DLGAP1: variants seen among roughly 807,000 people sequenced by gnomAD.
DLGAP1 encodes DLG associated protein 1.
Under a neutral mutation model 90.8 loss-of-function variants are expected in DLGAP1, and 11 were observed. The observed-to-expected ratio is 0.12, with a 90% CI of 0.08 to 0.20. The LOEUF is 0.20. DLGAP1 is among the 10% of genes least tolerant of loss of function. DLGAP1 has a pLI of 1.00. For missense variants in DLGAP1, 1,050 were observed against 1,333.8 expected (o/e 0.79, Z 3.31); for synonymous variants, 558 against 540.7 (o/e 1.03, Z -0.44).
At position 3,499,307 on chromosome 18, in the gene DLGAP1, G is replaced by A. The variant is rs779326875; in HGVS notation, c.2812C>T (p.Arg938Cys). ...ATCAGGCGCTTGCGGGCCTCCTGGC[G>A]CTGCGAGCTCTCCAGCGAGCGCTCC... is the stretch of plus-strand genomic sequence containing the variant. ...IRERSLESSQ[R>C]QEARKRLMAA... Residue 938 changes from arginine (R) to cysteine (C), a missense_variant, in exon 13 of 13, where the codon CGC becomes TGC. Around this residue, in one of 2 missense-constraint regions of DLGAP1, gnomAD observed 565 missense variants for 879.7 expected, o/e 0.64. Transcript: ENST00000315677. The surrounding 1 kb of genome is among the most constrained non-coding windows in gnomAD (Gnocchi z 6.4). The A allele has an allele frequency of 3.8e-6, 6 of 1,579,534 alleles. No individual in the cohort carries two copies. Among genetic ancestry groups the A allele is most frequent in the African/African-American group, 1.4e-5 (1 of 73,760 alleles).
intron 1 of DLGAP1, among the ~76,000 whole-genome samples, chr18:4,368,153 C>A (rs923673950): frequency 1.3e-5 from 2 of 152,056 alleles, no homozygotes; most frequent in Admixed American, 6.5e-5. Context: ...TCAGAGGCAG[C>A]GTCTTGGCTA....
chr18:3,499,491 C>G lies in DLGAP1; in HGVS notation c.2725-97G>C. 7.6e-7 allele frequency: 1 copy of G among 1,309,662 alleles called. No homozygotes were observed. The highest frequency in any genetic ancestry group is 1.4e-5 in the South Asian group (1 of 72,216). The allele number at this position is 1,309,662 out of a possible 1,614,324, so 81.1% of individuals were successfully genotyped here. A position where few individuals can be genotyped will look rare whatever the true frequency, so the allele number is the denominator to read the frequency against. On this transcript the variant is annotated intron_variant, in intron 12 of 12. Coordinates refer to ENST00000315677, the MANE Select transcript of DLGAP1 (RefSeq NM_004746.4). This position sits in a 1 kb window ranked among gnomAD's most constrained non-coding sequence, Gnocchi z 6.4. ...AGTAGTTAGAACACACAGTTTTTTA[C>G]CTAGGGGTGGTTAGTTCTGATCTGC...
chr18:3,677,963 T>G (rs1358110156), intron 7 of DLGAP1, among the ~76,000 whole-genome samples: 57 of 104,668 alleles, frequency 5.4e-4, no homozygotes, highest in African/African-American at 3.6e-3. Context: ...CCGGTGGGTT[T>G]TTTTTTTTTT....
intron 1 of DLGAP1, among the ~76,000 whole-genome samples, chr18:4,319,635 T>A (rs2080627733): frequency 6.6e-6 from 1 of 152,164 alleles, no homozygotes; most frequent in East Asian, 1.9e-4. Context: ...GAGAAGTCGG[T>A]TGTTGAAAAG....
At chr18:4,223,862 GA>G (rs762508329) in intron 1 of DLGAP1, among the ~76,000 whole-genome samples, 3 of 152,202 alleles carry the variant, frequency 2.0e-5, no homozygotes, top group Non-Finnish European at 2.9e-5. Context: ...ATTGCCATAG[GA>G]AGGTGAATGT....
At chr18:4,208,846 C>T (rs377165837) in intron 1 of DLGAP1, among the ~76,000 whole-genome samples, 2 of 151,926 alleles carry the variant, frequency 1.3e-5, no homozygotes, top group East Asian at 3.9e-4. Context: ...GCTGTGGGAA[C>T]AAGCCAACTA....
At chr18:4,237,028 G>A (rs940802503) in intron 1 of DLGAP1, among the ~76,000 whole-genome samples, 4 of 152,146 alleles carry the variant, frequency 2.6e-5, no homozygotes, top group Non-Finnish European at 5.9e-5. Context: ...AACATTAGGG[G>A]TTTAGTCAAG....
intron 7 of DLGAP1, among the ~76,000 whole-genome samples, chr18:3,670,433 T>C (rs7228047): frequency 0.13 from 20,105 of 152,218 alleles, 1,600 homozygotes; most frequent in Non-Finnish European, 0.18. Context: ...TACAAGCAAA[T>C]CTGGCAACTG....
chr18:3,522,017 G>C (rs1481845513), intron 10 of DLGAP1, among the ~76,000 whole-genome samples: 1 of 151,654 alleles, frequency 6.6e-6, no homozygotes, highest in African/African-American at 2.4e-5. Context: ...GTAGTGACTA[G>C]CCTGGAAAAG....
In DLGAP1 at chr18:4,378,319, C is replaced by G. The variant is rs975191395; in HGVS notation, c.-267+76687G>C. Among the ~76,000 whole-genome samples the G allele has an allele frequency of 6.6e-6, 1 of 151,806 alleles. No homozygotes were observed. The highest frequency in any genetic ancestry group is 1.5e-5 in the Non-Finnish European group (1 of 67,930). ...TGTTACTTACATTGAACATGTAACT[C>G]TATCACTTTTCAATTAAAAATTTAG... On this transcript the variant is annotated intron_variant, in intron 1 of 12. Coordinates refer to ENST00000315677, the MANE Select transcript of DLGAP1 (RefSeq NM_004746.4). This position sits in a 1 kb window ranked among gnomAD's most constrained non-coding sequence, Gnocchi z 4.5.
At chr18:3,782,833 G>T (rs113395974) in intron 5 of DLGAP1, among the ~76,000 whole-genome samples, 66 of 152,188 alleles carry the variant, frequency 4.3e-4, no homozygotes, top group African/African-American at 1.6e-3. Context: ...AAATTTTTGT[G>T]AGTCAAAGGA....
intron 1 of DLGAP1, among the ~76,000 whole-genome samples, chr18:4,317,691 C>T (rs2080567861): frequency 6.6e-6 from 1 of 152,156 alleles, no homozygotes; most frequent in African/African-American, 2.4e-5. Flanking sequence ...TCTCGAATCT[C>T]AAGTGCAGAT....
At chr18:3,740,597 A>G (rs981798987) in intron 6 of DLGAP1, among the ~76,000 whole-genome samples, 2 of 152,046 alleles carry the variant, frequency 1.3e-5, no homozygotes, top group Non-Finnish European at 2.9e-5. Flanking sequence ...CAGTGTCCCT[A>G]TTTCAGGGTC....
chr18:4,120,748 G>A (rs8093552), intron 2 of DLGAP1, among the ~76,000 whole-genome samples: 2 of 148,466 alleles, frequency 1.3e-5, no homozygotes, highest in East Asian at 2.0e-4. Flanking sequence ...CCCTCCCTCC[G>A]TCCTGCCATC....
chr18:4,125,767 G>T (rs894962251), intron 2 of DLGAP1, among the ~76,000 whole-genome samples: 4 of 152,232 alleles, frequency 2.6e-5, no homozygotes, highest in African/African-American at 9.6e-5. Context: ...ACAAAGCAGT[G>T]AAACTAGATA....
At chr18:3,700,185 C>T (rs2061234472) in intron 7 of DLGAP1, among the ~76,000 whole-genome samples, 1 of 152,186 alleles carries the variant, frequency 6.6e-6, no homozygotes, top group South Asian at 2.1e-4. Flanking sequence ...AAAACTCCCG[C>T]AGCTAGCTAG....
intron 10 of DLGAP1, among the ~76,000 whole-genome samples, chr18:3,523,506 A>G (rs1019071999): frequency 4.6e-5 from 7 of 152,122 alleles, no homozygotes; most frequent in African/African-American, 1.4e-4. Flanking sequence ...AACTCTTACA[A>G]CTCAATAGCA....
intron 3 of DLGAP1, among the ~76,000 whole-genome samples, chr18:3,933,150 G>C (rs940566060): frequency 2.0e-5 from 3 of 152,190 alleles, no homozygotes; most frequent in Non-Finnish European, 2.9e-5. Flanking sequence ...ATATTCTATA[G>C]ACTTAGGACT....
chr18:4,011,838 GACA>G (rs1286624110), intron 2 of DLGAP1, among the ~76,000 whole-genome samples: 7 of 151,232 alleles, frequency 4.6e-5, no homozygotes, highest in South Asian at 2.1e-4. Flanking sequence ...TGTCTCAAAC[GACA>G]ACAACAACAA....
Sources: allele counts gnomAD v4.1 joint callset (sites outside exome capture counted in the v4.1 genomes callset), GRCh38; gene constraint gnomAD v4.1.1; regional missense constraint gnomAD v4.1.1; non-coding constraint Gnocchi (gnomAD v3.1); transcripts MANE v1.5; gene names NCBI Gene and HGNC (gene_info 2026-07-23, HGNC 2026-07-21).